Variants in TNFRSF9 observed in about 807,000 individuals in gnomAD.
TNFRSF9 encodes TNF receptor superfamily member 9, also known as tumor necrosis factor receptor superfamily member 9.
TNFRSF9 carries 16 observed loss-of-function variants against 28.8 expected under a neutral mutation model. The observed-to-expected ratio is 0.55, with a 90% CI of 0.38 to 0.84. The LOEUF is 0.84. Among genes scored for constraint, TNFRSF9 ranks in the 40% least tolerant of loss-of-function variants. The pLI, the probability that TNFRSF9 is intolerant of heterozygous loss-of-function variation, is 0.00. For synonymous variants in TNFRSF9, 131 were observed against 117.0 expected (o/e 1.12, Z -0.77); for missense variants, 303 against 315.0 (o/e 0.96, Z 0.29).
At chr1:7,931,493 GA>G (rs955186248) in intron 7 of TNFRSF9, among the ~76,000 whole-genome samples, 2 of 152,196 alleles carry the variant, frequency 1.3e-5, no homozygotes, top group African/African-American at 4.8e-5. Flanking sequence ...ATACAACGTT[GA>G]AAGAAGAAGC....
At position 7,938,184 on chromosome 1, in the gene TNFRSF9, C is replaced by A; in HGVS notation, c.346+9G>T. The A allele has an allele frequency of 6.4e-7, 1 of 1,571,340 alleles. No homozygotes were observed. Among genetic ancestry groups the A allele is most frequent in the Non-Finnish European group, 8.6e-7 (1 of 1,158,466 alleles). On this transcript the variant is annotated intron_variant, in intron 4 of 7. Coordinates refer to ENST00000377507, the MANE Select transcript of TNFRSF9 (RefSeq NM_001561.6). ...AAAACTACACTAGATCAAAGAAACG[C>A]AAACGTACCTTTTTTTGTCAGTTCT...
At chr1:7,930,461 G>T (rs919080681) in intron 7 of TNFRSF9, among the ~76,000 whole-genome samples, 1 of 152,112 alleles carries the variant, frequency 6.6e-6, no homozygotes, top group African/African-American at 2.4e-5. Context: ...CTGGGGTGTG[G>T]ATGGAACTTT....
intron 2 of TNFRSF9, among the ~76,000 whole-genome samples, chr1:7,939,519 A>G (rs1639870978): frequency 6.6e-6 from 1 of 152,070 alleles, no homozygotes; most frequent in Non-Finnish European, 1.5e-5. Context: ...GACCGTCCCC[A>G]CTCTGTTAAG....
chr1:7,937,904 A>G, intron 4 of TNFRSF9, 148 bp from the exon 5 acceptor site: 1 of 704,822 alleles, frequency 1.4e-6, no homozygotes, highest in Non-Finnish European at 2.3e-6. Context: ...TAAGATGGCT[A>G]GTTTTTATTT....
chr1:7,929,960 C>A (rs1176940836), intron 7 of TNFRSF9, among the ~76,000 whole-genome samples: 2 of 130,162 alleles, frequency 1.5e-5, no homozygotes, highest in Admixed American at 9.7e-5. Flanking sequence ...TTTGAACGAC[C>A]TAAAACCTTT....
intron 7 of TNFRSF9, among the ~76,000 whole-genome samples, chr1:7,932,698 C>G (rs931328419): frequency 4.0e-5 from 6 of 150,234 alleles, no homozygotes; most frequent in African/African-American, 1.5e-4. Flanking sequence ...CGCGCACACA[C>G]ACACGCACAC....
rs1341312728 is a variant in TNFRSF9 at position 7,939,877 on chromosome 1, T to C, written c.100+18A>G. 1 of 1,578,038 alleles carries C rather than the reference T, an allele frequency of 6.3e-7. No homozygotes were observed. Among genetic ancestry groups the C allele is most frequent in the African/African-American group, 1.3e-5 (1 of 74,420 alleles). Reference sequence around the variant, plus strand: ...TCCAACAGAGCAGATCAAATGCACATGATAACTGGGTACTCACCAGCTGGG... The same window carrying C: ...TCCAACAGAGCAGATCAAATGCACACGATAACTGGGTACTCACCAGCTGGG... On this transcript the variant is annotated intron_variant, in intron 2 of 7. Transcript: ENST00000377507.
intron 5 of TNFRSF9, among the ~76,000 whole-genome samples, chr1:7,936,811 CA>C (rs1340312426): frequency 4.6e-5 from 7 of 152,204 alleles, no homozygotes; most frequent in Non-Finnish European, 1.0e-4. Flanking sequence ...ATTACTCTGC[CA>C]ATTTGCCTTA....
chr1:7,924,954 T>A (rs1639619851), intron 7 of TNFRSF9, among the ~76,000 whole-genome samples: 1 of 152,204 alleles, frequency 6.6e-6, no homozygotes, highest in Non-Finnish European at 1.5e-5. Context: ...TGTACAGCTG[T>A]ACAATGTGCT....
At position 7,920,922 on chromosome 1, in the gene TNFRSF9, T is replaced by C. The variant is rs1300404542; in HGVS notation, c.681A>G (p.Pro227=). 1.1e-5 allele frequency: 17 copies of C among 1,607,544 alleles called. No homozygotes were observed. Among genetic ancestry groups the C allele is most frequent in the Non-Finnish European group, 1.4e-5 (17 of 1,177,320 alleles). The change falls in exon 8 of 8, where the codon CCA becomes CCG. Residue 227 remains proline, a splice_region_variant and synonymous_variant. Coordinates refer to ENST00000377507, the MANE Select transcript of TNFRSF9 (RefSeq NM_001561.6). Reference sequence around the variant, plus strand: ...GAGTAGTTTGTACTGGTCTCATAAATGCTAAAAAAAAAATTTTAAGATACG... The same window carrying C: ...GAGTAGTTTGTACTGGTCTCATAAACGCTAAAAAAAAAATTTTAAGATACG... ...RKKLLYIFKQ[P]FMRPVQTTQE...
chr1:7,935,094 C>G lies in TNFRSF9; in HGVS notation c.463G>C (p.Asp155His). 6.2e-7 allele frequency: 1 copy of G among 1,614,232 alleles called. No homozygotes were observed. Among genetic ancestry groups the G allele is most frequent in the South Asian group, 1.1e-5 (1 of 91,088 alleles). ...SVLVNGTKER[D>H]VVCGPSPADL... Reference sequence around the variant, plus strand: ...GCTGGAGATGGTCCACAGACCACGTCCCTCTCCTTCGTCCCATTCACAAGC... The same window carrying G: ...GCTGGAGATGGTCCACAGACCACGTGCCTCTCCTTCGTCCCATTCACAAGC... Residue 155 changes from aspartate to histidine, a missense_variant, in exon 6 of 8, where the codon GAC (aspartate) becomes CAC (histidine). By Grantham distance (81) the Asp-to-His change is moderately conservative. Coordinates refer to ENST00000377507, the MANE Select transcript of TNFRSF9 (RefSeq NM_001561.6).
chr1:7,920,886 A>G lies in TNFRSF9; in HGVS notation c.717T>C (p.Asp239=), dbSNP rs762510128. The G allele has an allele frequency of 6.8e-6, 11 of 1,613,904 alleles. No homozygotes were observed. In the Admixed American group the frequency reaches 8.3e-5, roughly 12 times the overall value. Residue 239 remains aspartate, a synonymous_variant, in exon 8 of 8, where the codon GAT becomes GAC. Coordinates refer to ENST00000377507, the MANE Select transcript of TNFRSF9 (RefSeq NM_001561.6). The stretch of plus-strand genomic sequence containing the variant: ...CTTCTGGAAATCGGCAGCTACAGCC[A>G]TCTTCCTCTTGAGTAGTTTGTACTG... ...MRPVQTTQEE[D]GCSCRFPEEE... is the part of the protein sequence containing the mutation.
At chr1:7,937,895 A>G in intron 4 of TNFRSF9, 139 bp from the exon 5 acceptor site, 2 of 733,586 alleles carry the variant, frequency 2.7e-6, no homozygotes. Context: ...ACAACACCCT[A>G]AGATGGCTAG....
intron 6 of TNFRSF9, among the ~76,000 whole-genome samples, chr1:7,933,504 A>C (rs1008888993): frequency 3.9e-5 from 6 of 152,194 alleles, no homozygotes; most frequent in African/African-American, 1.4e-4. Flanking sequence ...TGGAAGGCCG[A>C]GGCAGGAGGA....
Position 7,923,577 on chromosome 1 carries a change from G to A in TNFRSF9, c.680-2654C>T, listed in dbSNP as rs529799516. 5.9e-5 allele frequency among the ~76,000 whole-genome samples: 9 copies of A among 152,302 alleles called. No individual in the cohort carries two copies. In the South Asian group the frequency reaches 1.9e-3, roughly 32 times the overall value. ...CCAGAAACTGGGTGTGGGGGCTCAC[G>A]CCTGTAATCCCAATACTATGGGGGC... On this transcript the variant is annotated intron_variant, in intron 7 of 7. Transcript: ENST00000377507.
At chr1:7,936,823 A>G (rs1190613989) in intron 5 of TNFRSF9, among the ~76,000 whole-genome samples, 2 of 152,244 alleles carry the variant, frequency 1.3e-5, no homozygotes, top group African/African-American at 4.8e-5. Flanking sequence ...ATTTGCCTTA[A>G]AAGTTTCTAA....
At position 7,916,102 on chromosome 1, in the gene TNFRSF9, CAG is replaced by C. The variant is rs1639475262; in HGVS notation, c.*4731_*4732del. 6.6e-6 allele frequency: 1 copy of C among 152,062 alleles called. No individual in the cohort carries two copies. Among genetic ancestry groups the C allele is most frequent in the Admixed American group, 6.6e-5 (1 of 15,254 alleles). 9.4% of individuals were successfully genotyped at this position (152,062 alleles called of 1,614,324 possible). A position where few individuals can be genotyped will look rare whatever the true frequency, so the allele number is the denominator to read the frequency against. On this transcript the variant is annotated 3_prime_UTR_variant, in exon 8 of 8. Coordinates refer to ENST00000377507, the MANE Select transcript of TNFRSF9 (RefSeq NM_001561.6). ...CGCCCCTCACATCAAAACTTTCCGTCAGAGTGATATCTTCCACTAAAGAAAAA... is the reference window on the plus strand; with the variant it reads ...CGCCCCTCACATCAAAACTTTCCGTCAGTGATATCTTCCACTAAAGAAAAA...
intron 7 of TNFRSF9, 137 bp from the exon 8 acceptor site, chr1:7,921,060 G>C: frequency 1.5e-6 from 1 of 653,146 alleles, no homozygotes; most frequent in Non-Finnish European, 2.6e-6. Flanking sequence ...ACTCAGCCAG[G>C]CGTGGTGGCT....
intron 7 of TNFRSF9, among the ~76,000 whole-genome samples, chr1:7,930,495 C>T (rs915568410): frequency 2.6e-5 from 4 of 152,122 alleles, no homozygotes; most frequent in Non-Finnish European, 5.9e-5. Context: ...TCCTTTAAAT[C>T]AGGATTAAGT....
Sources: gnomAD v4.1 joint callset for allele counts (sites outside exome capture counted in the v4.1 genomes callset) on GRCh38, gnomAD v4.1.1 for gene constraint, MANE v1.5 for transcripts, NCBI Gene and HGNC (gene_info 2026-07-23, HGNC 2026-07-21) for gene names.